KCNJ6: variants seen among roughly 807,000 people sequenced by gnomAD.
The protein encoded by KCNJ6 is G protein-activated inward rectifier potassium channel 2.
Under a neutral mutation model 34.2 loss-of-function variants are expected in KCNJ6, and 9 were observed. The ratio of observed to expected loss-of-function variants is 0.26; its 90% CI spans 0.16 to 0.46. The LOEUF (loss-of-function observed/expected upper bound fraction) is 0.46, where lower values mean the gene tolerates loss of function less well. Ranked by LOEUF, KCNJ6 falls within the 20% of genes least tolerant of loss-of-function variation. KCNJ6 has a pLI of 1.00. For synonymous variants in KCNJ6, 196 were observed against 207.1 expected (o/e 0.95, Z 0.46); for missense variants, 236 against 531.3 (o/e 0.44, Z 5.46).
chr21:37,891,816 T>C (rs1310141149), intron 1 of KCNJ6, among the ~76,000 whole-genome samples: 3 of 152,170 alleles, frequency 2.0e-5, no homozygotes, highest in Admixed American at 6.5e-5. Flanking sequence ...TTGCAGCTGC[T>C]GTTCCTGTTG....
intron 3 of KCNJ6, among the ~76,000 whole-genome samples, chr21:37,694,956 C>T (rs1232291019): frequency 6.6e-6 from 1 of 152,210 alleles, no homozygotes; most frequent in Non-Finnish European, 1.5e-5. Flanking sequence ...CCCAAGCTAC[C>T]TCTATCTGGG....
At chr21:37,746,381 C>T (rs2054967835) in intron 2 of KCNJ6, among the ~76,000 whole-genome samples, 1 of 152,174 alleles carries the variant, frequency 6.6e-6, no homozygotes, top group East Asian at 1.9e-4. Context: ...CCACTTCCTT[C>T]ATTCTTCCAG....
At chr21:37,715,228 T>C (rs971728536) in intron 2 of KCNJ6, 97 bp from the exon 3 acceptor site, 1 of 1,041,662 alleles carries the variant, frequency 9.6e-7, no homozygotes, top group Non-Finnish European at 1.4e-6. Flanking sequence ...TGAAACCAAA[T>C]ACCATTTGTG....
intron 3 of KCNJ6, among the ~76,000 whole-genome samples, chr21:37,633,070 T>C (rs1156310629): frequency 6.6e-6 from 1 of 152,152 alleles, no homozygotes; most frequent in Non-Finnish European, 1.5e-5. Flanking sequence ...TATTATTCAC[T>C]TGTGTAGCTA....
chr21:37,816,623 C>T (rs747266650), intron 2 of KCNJ6, among the ~76,000 whole-genome samples: 26 of 152,326 alleles, frequency 1.7e-4, no homozygotes, highest in South Asian at 4.1e-4. Context: ...TGGGTCAGGG[C>T]GATTGGCGGA....
At chr21:37,764,199 G>C (rs2055079799) in intron 2 of KCNJ6, among the ~76,000 whole-genome samples, 1 of 152,140 alleles carries the variant, frequency 6.6e-6, no homozygotes, top group Non-Finnish European at 1.5e-5. Context: ...GAGGTACCTA[G>C]TCATGGAAAT....
rs1002721424 is a variant in KCNJ6 at position 37,706,619 on chromosome 21, G to A, written c.946+7592C>T. ...TAAACCACTGTTTTCAGCCTTTGGG[G>A]TTGTCTGTTACAGCAGCATAACTTA... On this transcript the variant is annotated intron_variant, in intron 3 of 3. Transcript: ENST00000609713. 2.0e-5 allele frequency among the ~76,000 whole-genome samples: 3 copies of A among 152,296 alleles called. No individual in the cohort carries two copies. In the East Asian group the frequency reaches 5.8e-4, roughly 29 times the overall value.
chr21:37,797,754 G>C (rs2055250406), intron 2 of KCNJ6, among the ~76,000 whole-genome samples: 1 of 152,156 alleles, frequency 6.6e-6, no homozygotes, highest in African/African-American at 2.4e-5. Flanking sequence ...ATGAAAGAGG[G>C]GATTCTCCCT....
chr21:37,820,534 C>A (rs1368243162), intron 2 of KCNJ6, among the ~76,000 whole-genome samples: 1 of 152,166 alleles, frequency 6.6e-6, no homozygotes, highest in Non-Finnish European at 1.5e-5. Flanking sequence ...ATGTCAGCAG[C>A]ACATCGGGGA....
chr21:37,848,082 C>T (rs1568870420), intron 1 of KCNJ6, among the ~76,000 whole-genome samples: 1 of 152,128 alleles, frequency 6.6e-6, no homozygotes, highest in Non-Finnish European at 1.5e-5. Flanking sequence ...CCCTGGAGGT[C>T]CCTGGAGGCC....
intron 3 of KCNJ6, among the ~76,000 whole-genome samples, chr21:37,652,250 C>A (rs1181025584): frequency 6.6e-6 from 1 of 152,112 alleles, no homozygotes; most frequent in Non-Finnish European, 1.5e-5. Context: ...TCAAAAACTG[C>A]TGGATGGACA....
intron 3 of KCNJ6, among the ~76,000 whole-genome samples, chr21:37,651,273 G>A (rs1173636255): frequency 6.6e-6 from 1 of 152,240 alleles, no homozygotes; most frequent in Admixed American, 6.5e-5. Flanking sequence ...ATAATGATAT[G>A]AGGTGAGGCT....
rs1418193950 is a variant in KCNJ6, at chr21:37,711,263, G to A, written c.946+2948C>T. 2.0e-5 allele frequency among the ~76,000 whole-genome samples: 3 copies of A among 152,200 alleles called. 1 individual carries two copies. The highest frequency in any genetic ancestry group is 4.4e-5 in the Non-Finnish European group (3 of 68,032). The stretch of plus-strand genomic sequence containing the variant: ...GGAAGGACCCAGGTGGCCTCCTGTG[G>A]GACAACTCCGGTCTCCGGAAAACAC... On this transcript the variant is annotated intron_variant, in intron 3 of 3. Coordinates refer to ENST00000609713, the MANE Select transcript of KCNJ6 (RefSeq NM_002240.5).
intron 3 of KCNJ6, among the ~76,000 whole-genome samples, chr21:37,639,531 C>T (rs1465372754): frequency 6.6e-6 from 1 of 151,958 alleles, no homozygotes; most frequent in East Asian, 1.9e-4. Flanking sequence ...TTTTGTCATT[C>T]TTTTTCTATT....
At chr21:37,777,565 G>A (rs944100570) in intron 2 of KCNJ6, among the ~76,000 whole-genome samples, 2 of 152,124 alleles carry the variant, frequency 1.3e-5, no homozygotes, top group Admixed American at 6.5e-5. Context: ...CTAAGCTCTT[G>A]GCTAGTATTT....
chr21:37,865,938 C>T (rs1177516202), intron 1 of KCNJ6, among the ~76,000 whole-genome samples: 5 of 150,934 alleles, frequency 3.3e-5, no homozygotes, highest in Admixed American at 2.0e-4. Flanking sequence ...CAGTGTAGAT[C>T]GTGTGTTAGA....
At chr21:37,672,755 C>T (rs2123409432) in intron 3 of KCNJ6, among the ~76,000 whole-genome samples, 1 of 151,998 alleles carries the variant, frequency 6.6e-6, no homozygotes, top group Admixed American at 6.6e-5. Flanking sequence ...CCTTCCCTTC[C>T]CTTCCTTTCT....
At chr21:37,840,773 G>GC in intron 1 of KCNJ6, 64 bp from the exon 2 acceptor site, 1 of 845,036 alleles carries the variant, frequency 1.2e-6, no homozygotes, top group African/African-American at 1.7e-5. Flanking sequence ...TGATCTAATT[G>GC]CCATTTACAG....
intron 2 of KCNJ6, among the ~76,000 whole-genome samples, chr21:37,752,505 T>C (rs1461599257): frequency 1.3e-5 from 2 of 152,024 alleles, no homozygotes; most frequent in Admixed American, 1.3e-4. Flanking sequence ...AGGGAAGGCA[T>C]TAAGCAGAAG....
Sources: gnomAD v4.1 joint callset for allele counts (sites outside exome capture counted in the v4.1 genomes callset) on GRCh38, gnomAD v4.1.1 for gene constraint, MANE v1.5 for transcripts, NCBI Gene and HGNC (gene_info 2026-07-23, HGNC 2026-07-21) for gene names.